TENM2: variants seen among roughly 807,000 people sequenced by gnomAD.
The protein encoded by TENM2 is teneurin transmembrane protein 2.
Under a neutral mutation model 245.2 loss-of-function variants are expected in TENM2, and 52 were observed. That is an observed-to-expected ratio of 0.21 (90% confidence interval 0.17 to 0.27). The LOEUF (loss-of-function observed/expected upper bound fraction) is 0.27. Ranked by LOEUF, TENM2 falls within the 10% of genes least tolerant of loss-of-function variation. The probability of loss-of-function intolerance (pLI) is 1.00; values close to 1 mark genes in which losing one functional copy is unlikely to be tolerated. For missense variants in TENM2, 3,046 were observed against 3,666.8 expected (o/e 0.83, Z 4.37); for synonymous variants, 1,363 against 1,438.9 (o/e 0.95, Z 1.19).
intron 3 of TENM2, among the ~76,000 whole-genome samples, chr5:167,943,022 A>G (rs1421531534): frequency 6.6e-6 from 1 of 152,234 alleles, no homozygotes; most frequent in African/African-American, 2.4e-5. Flanking sequence ...TTTACATCCC[A>G]TGACATCAGC....
chr5:168,195,389 CT>C, intron 15 of TENM2, 94 bp downstream of exon 17: 4 of 1,435,974 alleles, frequency 2.8e-6, no homozygotes, highest in Non-Finnish European at 3.8e-6. Flanking sequence ...AGGATTCCCC[CT>C]GGTGGACTGG....
intron 2 of TENM2, among the ~76,000 whole-genome samples, chr5:167,704,941 T>G (rs762566808): frequency 1.3e-5 from 2 of 152,130 alleles, no homozygotes; most frequent in African/African-American, 2.4e-5. Context: ...AGCTGGAGTG[T>G]ATTGATTCTT....
chr5:167,096,188 A>G, the TENM2 span, among the ~76,000 whole-genome samples: 1 of 152,212 alleles, frequency 6.6e-6, no homozygotes, highest in Non-Finnish European at 1.5e-5. Flanking sequence ...TGATACGTGT[A>G]TACATTATGG....
intron 2 of TENM2, chr5:167,728,613 A>AATGAATGAATG (rs528978497): frequency 2.7e-5 from 4 of 149,936 alleles, no homozygotes; most frequent in African/African-American, 9.9e-5. Context: ...ATAAATAAAT[A>AATGAATGAATG]AATGAATGAA....
intron 15 of TENM2, among the ~76,000 whole-genome samples, chr5:168,196,873 C>T (rs1204030533): frequency 6.6e-6 from 1 of 152,200 alleles, no homozygotes; most frequent in Non-Finnish European, 1.5e-5. Context: ...TCTTCTGCAT[C>T]CCTCTCCACT....
At chr5:168,211,626 CT>C in intron 19 of TENM2, 107 bp from the exon 22 acceptor site, 10 of 691,236 alleles carry the variant, frequency 1.4e-5, no homozygotes, top group Middle Eastern at 2.9e-4. Context: ...AAAAGACTGC[CT>C]TTTTTGGGCC....
At chr5:167,734,520 A>G (rs533615228) in intron 2 of TENM2, among the ~76,000 whole-genome samples, 1 of 149,042 alleles carries the variant, frequency 6.7e-6, no homozygotes, top group South Asian at 2.1e-4. Flanking sequence ...TAATAAATAT[A>G]TTAATAGTTA....
At chr5:167,699,447 A>C (rs1757999931) in intron 2 of TENM2, among the ~76,000 whole-genome samples, 1 of 152,166 alleles carries the variant, frequency 6.6e-6, no homozygotes, top group African/African-American at 2.4e-5. Context: ...CTTATTTTTA[A>C]GTCAGAGAAT....
At chr5:167,930,146 T>C (rs189578294) in intron 3 of TENM2, among the ~76,000 whole-genome samples, 1 of 152,196 alleles carries the variant, frequency 6.6e-6, no homozygotes, top group Non-Finnish European at 1.5e-5. Context: ...AGACCAGAGA[T>C]GTAAAAAGAT....
intron 4 of TENM2, among the ~76,000 whole-genome samples, chr5:167,976,792 G>T (rs1782473822): frequency 6.6e-6 from 1 of 152,022 alleles, no homozygotes; most frequent in South Asian, 2.1e-4. Context: ...AAAAACTTTT[G>T]TTTAAAAATT....
intron 2 of TENM2, among the ~76,000 whole-genome samples, chr5:167,609,673 T>C (rs949511463): frequency 6.6e-6 from 1 of 152,066 alleles, no homozygotes; most frequent in East Asian, 1.9e-4. Flanking sequence ...ATTGTTGCGT[T>C]AGAATTTGAG....
chr5:168,143,233 A>T (rs955896998), intron 12 of TENM2, among the ~76,000 whole-genome samples: 1 of 151,676 alleles, frequency 6.6e-6, no homozygotes, highest in African/African-American at 2.4e-5. Flanking sequence ...CACAGTGAAA[A>T]ATTGTTCTAG....
intron 5 of TENM2, among the ~76,000 whole-genome samples, chr5:168,000,874 G>A: frequency 6.6e-6 from 1 of 152,050 alleles, no homozygotes; most frequent in East Asian, 1.9e-4. Context: ...GAACATGGTG[G>A]TACCTGGCAC....
the TENM2 span, among the ~76,000 whole-genome samples, chr5:167,092,741 C>G: frequency 6.6e-6 from 1 of 152,256 alleles, no homozygotes; most frequent in South Asian, 2.1e-4. Flanking sequence ...ATGCTTTTGA[C>G]AACTGCACTA....
intron 2 of TENM2, 74 bp downstream of exon 4, chr5:167,375,547 T>C: frequency 7.0e-7 from 1 of 1,435,560 alleles, no homozygotes; most frequent in Non-Finnish European, 9.5e-7. Flanking sequence ...TTTTTGTTTT[T>C]TAATGAAGCG....
intron 12 of TENM2, among the ~76,000 whole-genome samples, chr5:168,136,909 A>G (rs1227994248): frequency 1.3e-5 from 2 of 152,200 alleles, no homozygotes; most frequent in African/African-American, 4.8e-5. Flanking sequence ...CTGCAAATGC[A>G]AGAGCCCCTG....
intron 2 of TENM2, among the ~76,000 whole-genome samples, chr5:167,421,382 CAGCT>C (rs370193493): frequency 6.5e-4 from 99 of 152,306 alleles, no homozygotes; most frequent in African/African-American, 2.4e-3. Flanking sequence ...CCTCAGTCAA[CAGCT>C]AACTTAAATT....
chr5:167,945,902 G>A (rs1352476103), intron 3 of TENM2, among the ~76,000 whole-genome samples: 1 of 152,100 alleles, frequency 6.6e-6, no homozygotes, highest in Non-Finnish European at 1.5e-5. Flanking sequence ...GAGATGAGGA[G>A]GAGGCTACAA....
intron 2 of TENM2, among the ~76,000 whole-genome samples, chr5:167,875,736 A>T (rs10046038): frequency 0.012 from 1,787 of 152,232 alleles, 33 homozygotes; most frequent in African/African-American, 0.041. Flanking sequence ...TGCTAGACTG[A>T]TTCCATTTGA....
Sources: allele counts gnomAD v4.1 joint callset (sites outside exome capture counted in the v4.1 genomes callset), GRCh38; gene constraint gnomAD v4.1.1; transcripts MANE v1.5; gene names NCBI Gene and HGNC (gene_info 2026-07-23, HGNC 2026-07-21).